The following DCT variants were observed in gnomAD, a reference collection of about 807,000 sequenced individuals.
The protein encoded by DCT is L-dopachrome tautomerase.
Under a neutral mutation model 53.0 loss-of-function variants are expected in DCT, and 47 were observed. The observed-to-expected ratio is 0.89, with a 90% confidence interval of 0.70 to 1.13. DCT has a LOEUF of 1.13. DCT is among the 50% of genes most tolerant of loss of function. DCT has a pLI of 0.00. For synonymous variants in DCT, 244 were observed against 237.0 expected (o/e 1.03, Z -0.27); for missense variants, 669 against 637.4 (o/e 1.05, Z -0.53).
the DCT span, among the ~76,000 whole-genome samples, chr13:94,515,061 C>A: frequency 2.0e-5 from 3 of 152,136 alleles, no homozygotes; most frequent in African/African-American, 7.2e-5. Flanking sequence ...AAATCTCTAG[C>A]CCTCTCTCTA....
chr13:94,443,296 C>T, intron 7 of DCT, 140 bp downstream of exon 7: 1 of 659,810 alleles, frequency 1.5e-6, no homozygotes, highest in Non-Finnish European at 2.6e-6. Flanking sequence ...TACGTATATG[C>T]TAGAAAAATG....
chr13:94,500,328 A>G, the DCT span, among the ~76,000 whole-genome samples: 3 of 152,342 alleles, frequency 2.0e-5, no homozygotes, highest in South Asian at 4.1e-4. Flanking sequence ...GCAAGAGAGA[A>G]AATGAGAGCC....
At chr13:94,470,514 A>G (rs1884573966) in intron 1 of DCT, among the ~76,000 whole-genome samples, 1 of 152,164 alleles carries the variant, frequency 6.6e-6, no homozygotes, top group African/African-American at 2.4e-5. Flanking sequence ...AAATTTAAAT[A>G]TCATTAGAGC....
In DCT at chr13:94,465,704, T is replaced by A. The variant is rs1481778776; in HGVS notation, c.792A>T (p.Ala264=). The A allele has an allele frequency of 1.9e-6, 3 of 1,613,472 alleles. No homozygotes were observed. The highest frequency in any genetic ancestry group is 2.5e-6 in the Non-Finnish European group (3 of 1,179,916). ...TCAGAGTCGGATCGTCTGGTCTCGC[T>A]GCCCCAAACAGCTGGTCTGTACACA... ...CDVCTDQLFG[A]ARPDDPTLIS... is the part of the protein sequence containing the mutation. Residue 264 remains alanine (A), a synonymous_variant, in exon 4 of 8, where the codon GCA becomes GCT. Coordinates refer to ENST00000377028, the MANE Select transcript of DCT (RefSeq NM_001922.5).
At chr13:94,486,829 C>T in the DCT span, among the ~76,000 whole-genome samples, 6 of 152,298 alleles carry the variant, frequency 3.9e-5, no homozygotes, top group Non-Finnish European at 4.4e-5. Context: ...TTCCTGGGTT[C>T]TGGGATTCTT....
chr13:94,484,087 A>G (rs1885561314), upstream of DCT, among the ~76,000 whole-genome samples: 1 of 152,222 alleles, frequency 6.6e-6, no homozygotes, highest in South Asian at 2.1e-4. Flanking sequence ...GCAGCTGCAC[A>G]TCCACCACAT....
chr13:94,449,940 TC>T (rs1289088521), intron 6 of DCT, among the ~76,000 whole-genome samples: 2 of 152,120 alleles, frequency 1.3e-5, no homozygotes, highest in Non-Finnish European at 2.9e-5. Flanking sequence ...TGAGAAACAA[TC>T]TCCTATGGAC....
the DCT span, among the ~76,000 whole-genome samples, chr13:94,503,090 A>C: frequency 2.0e-5 from 3 of 152,190 alleles, no homozygotes; most frequent in Non-Finnish European, 4.4e-5. Flanking sequence ...TTGAAAATAC[A>C]GTTAGGTTGG....
upstream of DCT, among the ~76,000 whole-genome samples, chr13:94,484,474 T>G (rs1481957860): frequency 6.6e-6 from 1 of 152,250 alleles, no homozygotes; most frequent in Non-Finnish European, 1.5e-5. Context: ...TGGAATTGCC[T>G]TTTGAGGTCT....
chr13:94,488,322 G>C, the DCT span, among the ~76,000 whole-genome samples: 2 of 152,016 alleles, frequency 1.3e-5, no homozygotes, highest in Non-Finnish European at 2.9e-5. Context: ...TGTATGGGCT[G>C]AAAAAATATA....
At chr13:94,545,540 A>G in the DCT span, among the ~76,000 whole-genome samples, 626 of 152,134 alleles carry the variant, frequency 4.1e-3, 6 homozygotes, top group African/African-American at 0.014. Context: ...AAATAATCAC[A>G]TGGCTGCCGG....
At chr13:94,466,838 A>G in intron 2 of DCT, 180 bp from the exon 3 acceptor site, 1 of 388,168 alleles carries the variant, frequency 2.6e-6, no homozygotes, top group Non-Finnish European at 4.7e-6. Flanking sequence ...TTTCAGAAGT[A>G]ACTAGTACTT....
chr13:94,497,888 G>A, the DCT span, among the ~76,000 whole-genome samples: 1 of 152,130 alleles, frequency 6.6e-6, no homozygotes, highest in African/African-American at 2.4e-5. Context: ...GTGTGTGTGT[G>A]TGTGTACACA....
chr13:94,510,665 CAG>C, the DCT span, among the ~76,000 whole-genome samples: 5 of 152,228 alleles, frequency 3.3e-5, no homozygotes, highest in Non-Finnish European at 5.9e-5. Flanking sequence ...TTCTAGCAGA[CAG>C]AGCTGCTTTA....
chr13:94,539,914 T>C, the DCT span, among the ~76,000 whole-genome samples: 2 of 152,052 alleles, frequency 1.3e-5, no homozygotes, highest in Non-Finnish European at 2.9e-5. Context: ...ATAATGATAC[T>C]GTTTGTTTTA....
the DCT span, among the ~76,000 whole-genome samples, chr13:94,533,630 A>T: frequency 6.6e-6 from 1 of 152,054 alleles, no homozygotes; most frequent in African/African-American, 2.4e-5. Context: ...ACTAAAAATT[A>T]AAAAATCAGC....
chr13:94,466,435 C>T, intron 3 of DCT, 123 bp downstream of exon 3: 1 of 574,644 alleles, frequency 1.7e-6, no homozygotes, highest in East Asian at 3.0e-5. Context: ...TACTTTAGTG[C>T]ACTAATCACT....
the DCT span, among the ~76,000 whole-genome samples, chr13:94,524,614 T>G: frequency 3.9e-5 from 6 of 152,292 alleles, 1 homozygote; most frequent in South Asian, 1.2e-3. Flanking sequence ...TTTATTGCAT[T>G]TTGTGCGCAT....
intron 6 of DCT, chr13:94,445,596 T>TAAGAAATGAA: frequency 3.0e-6 from 2 of 674,526 alleles, no homozygotes; most frequent in Non-Finnish European, 2.6e-6. Context: ...ACAGAAATGG[T>TAAGAAATGAA]AAGAAATGAA....
Sources: allele counts gnomAD v4.1 joint callset (sites outside exome capture counted in the v4.1 genomes callset), GRCh38; gene constraint gnomAD v4.1.1; transcripts MANE v1.5; gene names NCBI Gene and HGNC (gene_info 2026-07-23, HGNC 2026-07-21).